Variants in ERCC6 observed in about 807,000 individuals in gnomAD.
The protein encoded by ERCC6 is DNA excision repair protein ERCC-6.
Under a neutral mutation model 158.7 loss-of-function variants are expected in ERCC6, and 116 were observed. The ratio of observed to expected loss-of-function variants is 0.73; its 90% CI spans 0.63 to 0.85. The LOEUF is 0.85. Among genes scored for constraint, ERCC6 ranks in the 40% least tolerant of loss-of-function variants. The probability of loss-of-function intolerance (pLI) is 0.00; values close to 1 mark genes in which losing one functional copy is unlikely to be tolerated. For missense variants in ERCC6, 1,698 were observed against 1,799.4 expected (o/e 0.94, Z 1.02); for synonymous variants, 678 against 659.3 (o/e 1.03, Z -0.43).
Position 49,470,343 on chromosome 10 carries a change from G to A in ERCC6, c.3617C>T (p.Pro1206Leu). 6.2e-7 allele frequency: 1 copy of A among 1,614,154 alleles called. No homozygotes were observed. Among genetic ancestry groups the A allele is most frequent in the Admixed American group, 1.7e-5 (1 of 60,024 alleles). Residue 1206 changes from proline to leucine, a missense_variant, in exon 18 of 21, where the codon CCT becomes CTT. Transcript: ENST00000355832. ...LEKHLRPKQK[P>L]KNSKHCRDAK... Reference sequence around the variant, plus strand: ...GTCTCTGCAATGCTTAGAGTTCTTAGGCTTTTGCTTTGGTCTCAGATGTTT... The same window carrying A: ...GTCTCTGCAATGCTTAGAGTTCTTAAGCTTTTGCTTTGGTCTCAGATGTTT...
intron 4 of ERCC6, among the ~76,000 whole-genome samples, chr10:49,525,824 C>T (rs558179290): frequency 1.3e-5 from 2 of 151,976 alleles, no homozygotes; most frequent in East Asian, 3.9e-4. Flanking sequence ...AGCCTCTACG[C>T]CCCCCAAGAT....
At chr10:49,462,770 G>T (rs906540288) in intron 18 of ERCC6, among the ~76,000 whole-genome samples, 5 of 152,156 alleles carry the variant, frequency 3.3e-5, no homozygotes, top group African/African-American at 9.7e-5. Context: ...TAAAACTTAA[G>T]ATATCCTTTC....
Position 49,461,438 on chromosome 10 carries a change from G to C in ERCC6, c.3897C>G (p.Leu1299=), listed in dbSNP as rs779273831. 6.2e-7 allele frequency: 1 copy of C among 1,614,200 alleles called. No homozygotes were observed. The highest frequency in any genetic ancestry group is 8.5e-7 in the Non-Finnish European group (1 of 1,180,038). Residue 1299 remains leucine (L), a synonymous_variant, in exon 19 of 21, where the codon CTC becomes CTG. Coordinates refer to ENST00000355832, the MANE Select transcript of ERCC6 (RefSeq NM_000124.4). The part of the protein sequence containing the change: ...VAQDALKALR[L]SRQRCLGAVS... ...CTGCTCCCAGACACCGCTGACGAGA[G>C]AGCCTCAGTGCTTTCAGGGCATCCT...
chr10:49,454,330 C>G (rs528641798), downstream of ERCC6, among the ~76,000 whole-genome samples: 19 of 152,108 alleles, frequency 1.2e-4, no homozygotes, highest in Non-Finnish European at 2.4e-4. Flanking sequence ...GGCATCTTGC[C>G]CCTCCCTGTG....
At chr10:49,515,074 T>C (rs983061158) in intron 5 of ERCC6, 11 of 635,548 alleles carry the variant, frequency 1.7e-5, no homozygotes, top group Non-Finnish European at 2.2e-5. Flanking sequence ...AGCTTTGTTA[T>C]TTAAAAGAAG....
rs200880466 is a variant in ERCC6, at chr10:49,455,039, CA to C, written c.*3775del. 8.0e-5 allele frequency among the ~76,000 whole-genome samples: 12 copies of C among 149,196 alleles called. No individual in the cohort carries two copies. The South Asian group carries it at 8.5e-4, about 11-fold the overall frequency. ...AGCTAGGGAATGGTTCTTAAATAAA[CA>C]AAAAAAAATGGAAAGACTGAATTTA... On this transcript the variant is annotated 3_prime_UTR_variant, in exon 21 of 21. Coordinates refer to ENST00000355832, the MANE Select transcript of ERCC6 (RefSeq NM_000124.4).
At chr10:49,461,603 G>C in intron 18 of ERCC6, 47 bp from the exon 19 acceptor site, 1 of 1,558,232 alleles carries the variant, frequency 6.4e-7, no homozygotes, top group Non-Finnish European at 8.7e-7. Context: ...CTGTATGCAA[G>C]AAAGACACTT....
At chr10:49,530,469 A>G (rs985970804) in intron 3 of ERCC6, among the ~76,000 whole-genome samples, 3 of 152,156 alleles carry the variant, frequency 2.0e-5, no homozygotes, top group Admixed American at 1.3e-4. Flanking sequence ...CCCTGTTGTA[A>G]ATCAAGGAGC....
At chr10:49,487,851 A>T (rs189254749) in intron 8 of ERCC6, among the ~76,000 whole-genome samples, 16 of 152,348 alleles carry the variant, frequency 1.1e-4, no homozygotes, top group African/African-American at 3.8e-4. Flanking sequence ...AACAAGAATT[A>T]AAAAGATGCT....
intron 12 of ERCC6, among the ~76,000 whole-genome samples, chr10:49,474,994 T>C (rs901900252): frequency 2.6e-5 from 4 of 152,188 alleles, no homozygotes; most frequent in Admixed American, 2.0e-4. Context: ...GTAGGGTAGC[T>C]ATCACTAGTA....
At position 49,516,672 on chromosome 10, in the gene ERCC6, A is replaced by T. The variant is rs143923468; in HGVS notation, c.1397+7361T>A. 45 of 1,614,076 alleles carry T rather than the reference A, an allele frequency of 2.8e-5. No homozygotes were observed. Among genetic ancestry groups the T allele is most frequent in the Non-Finnish European group, 3.6e-5 (42 of 1,180,034 alleles). The stretch of plus-strand genomic sequence containing the variant: ...TTCAATGACCTCGTCATCAAGAAAA[A>T]GTTCAAGAATTTCTGTGGGAGTTCT... On this transcript the variant is annotated intron_variant, in intron 5 of 20. Coordinates refer to ENST00000355832, the MANE Select transcript of ERCC6 (RefSeq NM_000124.4).
In ERCC6 at chr10:49,524,794, A is replaced by G. The variant is rs1281090336; in HGVS notation, c.653-17T>C. On this transcript the variant is annotated splice_polypyrimidine_tract_variant and intron_variant, in intron 4 of 20. Coordinates refer to ENST00000355832, the MANE Select transcript of ERCC6 (RefSeq NM_000124.4). ...GCCCCGGCTCTGAAAGAACAATAGC[A>G]ATGCGTTTCGCACTAGCATGAAACT... 3.1e-6 allele frequency: 5 copies of G among 1,599,598 alleles called. No individual in the cohort carries two copies. Among genetic ancestry groups the G allele is most frequent in the Non-Finnish European group, 4.2e-6 (5 of 1,179,848 alleles).
At chr10:49,465,925 G>A (rs575257561) in intron 18 of ERCC6, among the ~76,000 whole-genome samples, 2 of 151,532 alleles carry the variant, frequency 1.3e-5, no homozygotes, top group South Asian at 4.2e-4. Flanking sequence ...AGAAACTCAT[G>A]AGACTGGTAA....
rs1475683903 is a variant in ERCC6, at chr10:49,458,772, C to T, written c.*43G>A. ...AATAATAAATTAATAATCAGAAATG[C>T]CCGTTAGAAAAAGGGACTTGAAAGT... On this transcript the variant is annotated 3_prime_UTR_variant, in exon 21 of 21. Coordinates refer to ENST00000355832, the MANE Select transcript of ERCC6 (RefSeq NM_000124.4). 6.3e-7 allele frequency: 1 copy of T among 1,587,894 alleles called. No homozygotes were observed. The highest frequency in any genetic ancestry group is 1.1e-5 in the South Asian group (1 of 90,310).
At chr10:49,530,912 G>A in intron 2 of ERCC6, 72 bp from the exon 3 acceptor site, 1 of 1,580,540 alleles carries the variant, frequency 6.3e-7, no homozygotes, top group Admixed American at 1.7e-5. Flanking sequence ...AGAGAAAAAT[G>A]CTAAAAACAT....
At chr10:49,491,686 C>A (rs1475204125) in intron 8 of ERCC6, among the ~76,000 whole-genome samples, 1 of 152,190 alleles carries the variant, frequency 6.6e-6, no homozygotes, top group Non-Finnish European at 1.5e-5. Flanking sequence ...GACAAAGGAA[C>A]TGGAGGCAAG....
chr10:49,515,887 C>A (rs1190919695), intron 5 of ERCC6: 2 of 1,614,072 alleles, frequency 1.2e-6, no homozygotes, highest in African/African-American at 2.7e-5. Context: ...CATCTGCAGA[C>A]AATATTGCCT....
rs965305440 is a variant in ERCC6 at position 49,455,703 on chromosome 10, C to T, written c.*3112G>A. The T allele has an allele frequency of 6.6e-6, 1 of 152,206 alleles. No homozygotes were observed. The highest frequency in any genetic ancestry group is 1.5e-5 in the Non-Finnish European group (1 of 68,026). 9.4% of individuals were successfully genotyped at this position (152,206 alleles called of 1,614,324 possible). On this transcript the variant is annotated 3_prime_UTR_variant, in exon 21 of 21. Transcript: ENST00000355832. ...GCAATCCTAAAAGATAAACAACCCA[C>T]AGGAAAACTAGGCCAACATAACACT...
At chr10:49,497,035 A>G (rs983586705) in intron 7 of ERCC6, among the ~76,000 whole-genome samples, 6 of 152,216 alleles carry the variant, frequency 3.9e-5, no homozygotes, top group African/African-American at 1.2e-4. Flanking sequence ...CCCTGCCTCC[A>G]GCTACAGTCA....
Sources: gnomAD v4.1 joint callset for allele counts (sites outside exome capture counted in the v4.1 genomes callset) on GRCh38, gnomAD v4.1.1 for gene constraint, MANE v1.5 for transcripts, NCBI Gene and HGNC (gene_info 2026-07-23, HGNC 2026-07-21) for gene names.